The following XYLT1 variants were observed in gnomAD, a reference collection of about 807,000 sequenced individuals.
The protein encoded by XYLT1 is xylosyltransferase 1.
Under a neutral mutation model 91.3 loss-of-function variants are expected in XYLT1, and 36 were observed. That is an observed-to-expected ratio of 0.39 (90% CI 0.30 to 0.52). XYLT1 has a LOEUF of 0.52. Ranked by LOEUF, XYLT1 falls within the 20% of genes least tolerant of loss-of-function variation. The probability of loss-of-function intolerance (pLI) is 0.68; values close to 1 mark genes in which losing one functional copy is unlikely to be tolerated. For missense variants in XYLT1, 1,242 were observed against 1,284.5 expected (o/e 0.97, Z 0.51); for synonymous variants, 588 against 532.0 (o/e 1.11, Z -1.45).
intron 3 of XYLT1, among the ~76,000 whole-genome samples, chr16:17,218,478 CT>C (rs1425761948): frequency 6.6e-6 from 1 of 151,846 alleles, no homozygotes; most frequent in Admixed American, 6.6e-5. Context: ...TCTTAGATGC[CT>C]CCAAAGATGG....
At chr16:17,272,689 A>C (rs2033915310) in intron 2 of XYLT1, among the ~76,000 whole-genome samples, 1 of 152,126 alleles carries the variant, frequency 6.6e-6, no homozygotes, top group Non-Finnish European at 1.5e-5. Context: ...AGTTGTCTTG[A>C]GGCTAAGTAG....
At chr16:17,418,944 C>T (rs13337299) in intron 1 of XYLT1, among the ~76,000 whole-genome samples, 11,573 of 152,002 alleles carry the variant, frequency 0.076, 494 homozygotes, top group Middle Eastern at 0.11. Flanking sequence ...ATAGCATGAG[C>T]GCTGCTGTAG....
At chr16:17,427,641 G>A (rs912580088) in intron 1 of XYLT1, among the ~76,000 whole-genome samples, 5 of 152,262 alleles carry the variant, frequency 3.3e-5, no homozygotes, top group South Asian at 2.1e-4. Flanking sequence ...TTGCCCAAAT[G>A]TGCACAGAAG....
At chr16:17,150,537 T>G (rs573560850) in intron 6 of XYLT1, among the ~76,000 whole-genome samples, 25 of 152,320 alleles carry the variant, frequency 1.6e-4, no homozygotes, top group Non-Finnish European at 3.2e-4. Flanking sequence ...ATGCACTTAA[T>G]ATATATTCTT....
chr16:17,269,837 A>C (rs1303898506), intron 2 of XYLT1, among the ~76,000 whole-genome samples: 1 of 143,208 alleles, frequency 7.0e-6, no homozygotes, highest in Non-Finnish European at 1.5e-5. Context: ...TTTGAGATGG[A>C]GTCTCCCTCT....
chr16:17,106,240 G>A lies in XYLT1; in HGVS notation c.*2455C>T, dbSNP rs1276560293. The stretch of plus-strand genomic sequence containing the variant: ...GACTTGCCACTGCTGAGTCCCCAAA[G>A]CCACTGCAAATAACGCTGCGAACAC... On this transcript the variant is annotated 3_prime_UTR_variant, in exon 12 of 12. Coordinates refer to ENST00000261381, the MANE Select transcript of XYLT1 (RefSeq NM_022166.4). 5.9e-5 allele frequency: 9 copies of A among 152,232 alleles called. No individual in the cohort carries two copies. Among genetic ancestry groups the A allele is most frequent in the Non-Finnish European group, 1.2e-4 (8 of 68,066 alleles). 9.4% of individuals were successfully genotyped at this position (152,232 alleles called of 1,614,324 possible). A position where few individuals can be genotyped will look rare whatever the true frequency, so the allele number is the denominator to read the frequency against.
chr16:17,184,850 A>AT (rs568668383), intron 5 of XYLT1, among the ~76,000 whole-genome samples: 4 of 152,290 alleles, frequency 2.6e-5, no homozygotes, highest in South Asian at 2.1e-4. Context: ...AGGACTCTGA[A>AT]TTTTTTTTGT....
At chr16:17,385,551 C>A (rs1002451499) in intron 1 of XYLT1, among the ~76,000 whole-genome samples, 1 of 151,848 alleles carries the variant, frequency 6.6e-6, no homozygotes, top group African/African-American at 2.4e-5. Flanking sequence ...TATTCTGTAA[C>A]GTTTCCAAAC....
intron 2 of XYLT1, among the ~76,000 whole-genome samples, chr16:17,339,174 A>C (rs1404826348): frequency 3.9e-5 from 6 of 152,092 alleles, no homozygotes; most frequent in African/African-American, 1.4e-4. Context: ...ATTTTTCTGG[A>C]ATCTGTGAGT....
chr16:17,336,676 TG>T (rs916754887), intron 2 of XYLT1, among the ~76,000 whole-genome samples: 1 of 152,182 alleles, frequency 6.6e-6, no homozygotes, highest in African/African-American at 2.4e-5. Context: ...CTACACTGGT[TG>T]GGGCAAGTCC....
At chr16:17,371,035 G>T (rs1253664904) in intron 1 of XYLT1, among the ~76,000 whole-genome samples, 2 of 152,216 alleles carry the variant, frequency 1.3e-5, no homozygotes, top group Non-Finnish European at 2.9e-5. Flanking sequence ...TCAGCTGGAG[G>T]ACCTGAGGTT....
chr16:17,183,271 C>T (rs1311374849), intron 5 of XYLT1, among the ~76,000 whole-genome samples: 2 of 152,130 alleles, frequency 1.3e-5, no homozygotes, highest in East Asian at 1.9e-4. Context: ...AACATTAGGT[C>T]ACTCTGGATC....
intron 1 of XYLT1, among the ~76,000 whole-genome samples, chr16:17,412,500 A>G (rs1269535057): frequency 6.8e-6 from 1 of 147,616 alleles, no homozygotes; most frequent in Non-Finnish European, 1.5e-5. Context: ...TAAACAGATT[A>G]AATACCGTGG....
At chr16:17,117,581 A>ACC in intron 11 of XYLT1, 65 bp downstream of exon 11, 1 of 1,539,824 alleles carries the variant, frequency 6.5e-7, no homozygotes, top group Non-Finnish European at 8.8e-7. Flanking sequence ...GCCTACCAAC[A>ACC]CCAAAGACCC....
chr16:17,366,209 T>C (rs985468363), intron 1 of XYLT1, among the ~76,000 whole-genome samples: 3 of 152,184 alleles, frequency 2.0e-5, no homozygotes, highest in African/African-American at 7.2e-5. Context: ...TGGATGTGTA[T>C]TCTTGCAAGA....
At chr16:17,326,748 C>T (rs35926494) in intron 2 of XYLT1, among the ~76,000 whole-genome samples, 89,604 of 151,522 alleles carry the variant, frequency 0.59, 26,954 homozygotes, top group Admixed American at 0.66. Flanking sequence ...TGGCGTGAAC[C>T]GGGGAGGCGG....
chr16:17,384,644 G>C (rs529277749), intron 1 of XYLT1, among the ~76,000 whole-genome samples: 9 of 151,868 alleles, frequency 5.9e-5, no homozygotes, highest in African/African-American at 2.2e-4. Context: ...GTCCCCATGT[G>C]GCCAGGACAC....
At chr16:17,119,525 T>G (rs1358442959) in intron 10 of XYLT1, among the ~76,000 whole-genome samples, 1 of 152,220 alleles carries the variant, frequency 6.6e-6, no homozygotes, top group East Asian at 1.9e-4. Context: ...GCAGGGGAAA[T>G]AGGAGCTGAT....
At chr16:17,400,801 C>G (rs140982984) in intron 1 of XYLT1, among the ~76,000 whole-genome samples, 494 of 152,132 alleles carry the variant, frequency 3.2e-3, no homozygotes, top group African/African-American at 0.011. Flanking sequence ...CGAGGAAGGC[C>G]AGCCGGAGGA....
Sources: allele counts gnomAD v4.1 joint callset (sites outside exome capture counted in the v4.1 genomes callset), GRCh38; gene constraint gnomAD v4.1.1; transcripts MANE v1.5; gene names NCBI Gene and HGNC (gene_info 2026-07-23, HGNC 2026-07-21).